Variants in SIK3 observed in about 807,000 individuals in gnomAD.
SIK3 encodes the protein SIK family kinase 3.
In SIK3, 28 loss-of-function variants were observed where a neutral mutation model predicts 144.2. That is an observed-to-expected ratio of 0.19 (90% CI 0.14 to 0.27). The LOEUF (loss-of-function observed/expected upper bound fraction) is 0.27, where lower values mean the gene tolerates loss of function less well. SIK3 is among the 10% of genes least tolerant of loss of function. The probability of loss-of-function intolerance (pLI) is 1.00; values close to 1 mark genes in which losing one functional copy is unlikely to be tolerated. For synonymous variants in SIK3, 686 were observed against 676.3 expected (o/e 1.01, Z -0.22); for missense variants, 1,319 against 1,776.0 (o/e 0.74, Z 4.62).
chr11:116,938,559 AGGGGAGGGGAGGG>A (rs1948085972), intron 3 of SIK3, among the ~76,000 whole-genome samples: 2 of 39,886 alleles, frequency 5.0e-5, no homozygotes, highest in Non-Finnish European at 7.8e-5. Flanking sequence ...AGGGGAGGGG[AGGGGAGGGGAGGG>A]GAGGGGAGGG....
chr11:116,886,720 G>A (rs1190256915), intron 6 of SIK3, among the ~76,000 whole-genome samples: 1 of 151,506 alleles, frequency 6.6e-6, no homozygotes, highest in Non-Finnish European at 1.5e-5. Context: ...TACAACAGGG[G>A]AATAGGGTAA....
chr11:116,888,890 G>A (rs1420895045), intron 6 of SIK3, among the ~76,000 whole-genome samples: 1 of 152,194 alleles, frequency 6.6e-6, no homozygotes, highest in Non-Finnish European at 1.5e-5. Context: ...AATAGACAGT[G>A]TGGCTGACAG....
chr11:116,890,507 C>A (rs1437052199), intron 6 of SIK3, among the ~76,000 whole-genome samples: 1 of 152,216 alleles, frequency 6.6e-6, no homozygotes, highest in Non-Finnish European at 1.5e-5. Context: ...CTACTACACA[C>A]CAGATCCTGT....
intron 1 of SIK3, among the ~76,000 whole-genome samples, chr11:116,961,313 C>T (rs1173158994): frequency 6.6e-6 from 1 of 152,170 alleles, no homozygotes; most frequent in African/African-American, 2.4e-5. Context: ...TAGCTGCAAA[C>T]TGGAAAGTGG....
Position 117,020,246 on chromosome 11 carries a change from T to TATATATATATATATATATATATATACAC in SIK3, c.274-63183_274-63182insGTGTATATATATATATATATATATATAT. Reference sequence around the variant, plus strand: ...GTATGTGTATATGTGCATATATATATACACATACATATATCTCCATGGTTC... The same window carrying TATATATATATATATATATATATATACAC: ...GTATGTGTATATGTGCATATATATATATATATATATATATATATATATATACACACACATACATATATCTCCATGGTTC... On this transcript the variant is annotated intron_variant, in intron 1 of 24. Transcript: ENST00000445177. 1.3e-4 allele frequency among the ~76,000 whole-genome samples: 16 copies of TATATATATATATATATATATATATACAC among 127,290 alleles called. 3 individuals carry two copies. Among genetic ancestry groups the TATATATATATATATATATATATATACAC allele is most frequent in the African/African-American group, 5.2e-4 (15 of 28,812 alleles). 83.5% of individuals were successfully genotyped at this position (127,290 alleles called of 152,430 possible).
intron 1 of SIK3, among the ~76,000 whole-genome samples, chr11:117,052,255 T>C (rs763153976): frequency 4.6e-5 from 7 of 152,118 alleles, no homozygotes; most frequent in Admixed American, 3.3e-4. Context: ...TGATGGGGTA[T>C]TTTGCGAGGA....
intron 3 of SIK3, among the ~76,000 whole-genome samples, chr11:116,947,106 G>A (rs781190642): frequency 8.9e-3 from 70 of 7,852 alleles, no homozygotes; most frequent in Non-Finnish European, 0.018. Flanking sequence ...GTGAGACTTC[G>A]TCTCAAAAAA....
intron 1 of SIK3, among the ~76,000 whole-genome samples, chr11:116,964,237 T>C (rs1815789): frequency 0.31 from 47,732 of 151,714 alleles, 8,521 homozygotes; most frequent in African/African-American, 0.5. Flanking sequence ...CTGGTCTCAA[T>C]GGATCCTCCC....
intron 4 of SIK3, among the ~76,000 whole-genome samples, chr11:116,909,033 A>G (rs1329185019): frequency 6.6e-6 from 1 of 152,230 alleles, no homozygotes; most frequent in Non-Finnish European, 1.5e-5. Flanking sequence ...ATTAATAGGT[A>G]CAATGGAAAA....
intron 21 of SIK3, among the ~76,000 whole-genome samples, chr11:116,851,717 C>T (rs1055116126): frequency 6.6e-6 from 1 of 152,192 alleles, no homozygotes; most frequent in South Asian, 2.1e-4. Flanking sequence ...AAAACCTACA[C>T]CAGGACTTGC....
chr11:116,978,602 C>G (rs1242083615), intron 1 of SIK3, among the ~76,000 whole-genome samples: 1 of 152,036 alleles, frequency 6.6e-6, no homozygotes, highest in East Asian at 1.9e-4. Context: ...CTCCTGGGCT[C>G]AAGAGATCCT....
Position 117,028,671 on chromosome 11 carries a change from A to C in SIK3, c.273+69472T>G, listed in dbSNP as rs74357691. ...ACATGAGCAAAAGCATAAAGGCCTG[A>C]AAAACAATTCTAATATGTTGAGGAA... On this transcript the variant is annotated intron_variant, in intron 1 of 24. Transcript: ENST00000445177. Among the ~76,000 whole-genome samples, 124 of 152,310 alleles carry C rather than the reference A, an allele frequency of 8.1e-4. 1 individual carries two copies. In the East Asian group the frequency reaches 0.024, roughly 29 times the overall value.
chr11:117,028,186 C>T (rs185004966), intron 1 of SIK3, among the ~76,000 whole-genome samples: 7 of 152,182 alleles, frequency 4.6e-5, no homozygotes, highest in South Asian at 4.1e-4. Context: ...TAAGAAATGA[C>T]GGTAGGACTC....
intron 1 of SIK3, among the ~76,000 whole-genome samples, chr11:116,978,545 A>G (rs1345272536): frequency 6.6e-6 from 1 of 152,222 alleles, no homozygotes; most frequent in East Asian, 1.9e-4. Flanking sequence ...ACAATGATGT[A>G]CAGGCTGGAG....
At chr11:117,025,570 A>T (rs1591561321) in intron 1 of SIK3, among the ~76,000 whole-genome samples, 1 of 107,542 alleles carries the variant, frequency 9.3e-6, no homozygotes, top group Admixed American at 1.0e-4. Context: ...CTGAGACCAC[A>T]GGCATGTTTC....
intron 1 of SIK3, among the ~76,000 whole-genome samples, chr11:117,016,274 C>T (rs946597611): frequency 2.7e-5 from 4 of 145,998 alleles, no homozygotes; most frequent in Non-Finnish European, 6.0e-5. Flanking sequence ...TGCAGTGAGC[C>T]GCGATCACGC....
chr11:117,082,741 T>A (rs533986533), intron 1 of SIK3, among the ~76,000 whole-genome samples: 2 of 152,090 alleles, frequency 1.3e-5, no homozygotes, highest in East Asian at 1.9e-4. Context: ...TTAAAAAAAA[T>A]TGGGTGAACT....
intron 4 of SIK3, among the ~76,000 whole-genome samples, chr11:116,924,244 G>A (rs967053054): frequency 1.1e-4 from 17 of 151,384 alleles, no homozygotes; most frequent in Non-Finnish European, 5.9e-5. Flanking sequence ...TGCAGTGAGC[G>A]GAGATCATGC....
At chr11:116,868,174 C>T in intron 14 of SIK3, 85 bp from the exon 15 acceptor site, 1 of 1,517,488 alleles carries the variant, frequency 6.6e-7, no homozygotes. Context: ...TAATCCAAAG[C>T]ACTCAATGAA....
Sources: allele counts gnomAD v4.1 joint callset (sites outside exome capture counted in the v4.1 genomes callset), GRCh38; gene constraint gnomAD v4.1.1; transcripts MANE v1.5; gene names NCBI Gene and HGNC (gene_info 2026-07-23, HGNC 2026-07-21).